Variants in KCNQ5 observed in about 807,000 individuals in gnomAD.
KCNQ5 encodes the protein potassium voltage-gated channel subfamily KQT member 5.
In KCNQ5, 30 loss-of-function variants were observed where a neutral mutation model predicts 98.2. That is an observed-to-expected ratio of 0.31 (90% CI 0.23 to 0.41). The LOEUF is 0.41. Ranked by LOEUF, KCNQ5 falls within the 10% of genes least tolerant of loss-of-function variation. The pLI is 1.00. For synonymous variants in KCNQ5, 458 were observed against 449.4 expected (o/e 1.02, Z -0.24); for missense variants, 835 against 1,182.5 (o/e 0.71, Z 4.31).
Position 72,806,432 on chromosome 6 carries a change from A to G in KCNQ5, c.398+183845A>G, listed in dbSNP as rs1582326684. On this transcript the variant is annotated intron_variant, in intron 1 of 13. Coordinates refer to ENST00000370398, the MANE Select transcript of KCNQ5 (RefSeq NM_019842.4). ...AACCCAGTACTGAAGTTATAGGCCAAATCAAAAGATGGGAAATCTAGAAGA... is the reference window on the plus strand; with the variant it reads ...AACCCAGTACTGAAGTTATAGGCCAGATCAAAAGATGGGAAATCTAGAAGA... 3.3e-5 allele frequency among the ~76,000 whole-genome samples: 5 copies of G among 152,240 alleles called. No individual in the cohort carries two copies. The South Asian group carries it at 1.0e-3, about 32-fold the overall frequency.
rs540717376 is a variant in KCNQ5 at position 72,882,324 on chromosome 6, T to C, written c.399-121584T>C. ...GTCCTGCTGTACAAAGAGAGCATCA[T>C]GTTAAAAGTAGATGTGGGTGGTTCT... On this transcript the variant is annotated intron_variant, in intron 1 of 13. Coordinates refer to ENST00000370398, the MANE Select transcript of KCNQ5 (RefSeq NM_019842.4). Among the ~76,000 whole-genome samples, 16 of 152,322 alleles carry C rather than the reference T, an allele frequency of 1.1e-4. 1 individual carries two copies. The highest frequency in any genetic ancestry group is 3.8e-4 in the African/African-American group (16 of 41,580).
intron 1 of KCNQ5, among the ~76,000 whole-genome samples, chr6:72,926,423 T>A (rs192554379): frequency 3.2e-4 from 48 of 152,278 alleles, no homozygotes; most frequent in African/African-American, 1.1e-3. Flanking sequence ...TTTATTATAA[T>A]TTCTAGAAGT....
intron 3 of KCNQ5, among the ~76,000 whole-genome samples, chr6:73,072,348 T>C (rs1378758284): frequency 6.6e-6 from 1 of 152,212 alleles, no homozygotes. Context: ...GTTCTTTTCA[T>C]TGTGATTTTA....
At chr6:73,015,580 C>G (rs1366571820) in intron 2 of KCNQ5, among the ~76,000 whole-genome samples, 1 of 152,084 alleles carries the variant, frequency 6.6e-6, no homozygotes, top group Non-Finnish European at 1.5e-5. Context: ...TGCTACCAAA[C>G]TCTGTACAAC....
At chr6:72,727,314 A>G (rs1770335368) in intron 1 of KCNQ5, among the ~76,000 whole-genome samples, 1 of 152,238 alleles carries the variant, frequency 6.6e-6, no homozygotes, top group Admixed American at 6.5e-5. Context: ...GAAGTTAAAA[A>G]TGCAGAAAAT....
intron 1 of KCNQ5, among the ~76,000 whole-genome samples, chr6:72,666,216 GATAA>G (rs1353629888): frequency 9.3e-6 from 1 of 107,836 alleles, no homozygotes; most frequent in Non-Finnish European, 2.6e-5. Context: ...GGTAAATAAT[GATAA>G]ATAAAGAGAG....
intron 9 of KCNQ5, among the ~76,000 whole-genome samples, chr6:73,129,271 C>T (rs967567084): frequency 1.3e-5 from 2 of 152,156 alleles, no homozygotes; most frequent in Admixed American, 6.5e-5. Context: ...ACTTTTCTTT[C>T]GTTTCTTACA....
At chr6:72,958,503 C>T (rs970499623) in intron 1 of KCNQ5, among the ~76,000 whole-genome samples, 5 of 152,208 alleles carry the variant, frequency 3.3e-5, no homozygotes, top group African/African-American at 7.2e-5. Flanking sequence ...AACATGTGCT[C>T]ACTTTCTAGG....
At chr6:73,030,478 C>T (rs974478491) in intron 2 of KCNQ5, among the ~76,000 whole-genome samples, 24 of 152,162 alleles carry the variant, frequency 1.6e-4, no homozygotes, top group African/African-American at 5.8e-4. Context: ...GGATATTACT[C>T]ATATTGCCAC....
chr6:72,814,944 T>A (rs1351978627), intron 1 of KCNQ5, among the ~76,000 whole-genome samples: 1 of 152,230 alleles, frequency 6.6e-6, no homozygotes, highest in East Asian at 1.9e-4. Context: ...TAATTTTATA[T>A]GAATTTGTGC....
chr6:72,962,985 G>A (rs1767445671), intron 1 of KCNQ5, among the ~76,000 whole-genome samples: 1 of 151,630 alleles, frequency 6.6e-6, no homozygotes, highest in Admixed American at 6.6e-5. Context: ...CTTCTCAGAG[G>A]AAAAAAATGG....
chr6:73,078,858 A>C (rs71573581), intron 5 of KCNQ5, among the ~76,000 whole-genome samples: 1 of 152,206 alleles, frequency 6.6e-6, no homozygotes, highest in African/African-American at 2.4e-5. Context: ...TGAAGCAAAA[A>C]TTTTCCCTGC....
At chr6:72,905,803 G>C (rs953807351) in intron 1 of KCNQ5, among the ~76,000 whole-genome samples, 1 of 151,348 alleles carries the variant, frequency 6.6e-6, no homozygotes, top group Non-Finnish European at 1.5e-5. Context: ...AGAGGTGTCA[G>C]GGGGGTGAAA....
chr6:73,035,449 A>G (rs1003826237), intron 2 of KCNQ5, among the ~76,000 whole-genome samples: 2 of 152,232 alleles, frequency 1.3e-5, no homozygotes, highest in African/African-American at 4.8e-5. Context: ...CTGCCATTTC[A>G]GTAAATAGCG....
intron 1 of KCNQ5, among the ~76,000 whole-genome samples, chr6:72,899,228 G>T (rs1779379667): frequency 6.6e-6 from 1 of 152,112 alleles, no homozygotes; most frequent in Admixed American, 6.6e-5. Flanking sequence ...TTAACAAAAA[G>T]ATTTTCTCCT....
intron 1 of KCNQ5, among the ~76,000 whole-genome samples, chr6:72,973,752 G>C (rs776223323): frequency 1.3e-5 from 2 of 152,170 alleles, no homozygotes; most frequent in African/African-American, 2.4e-5. Context: ...AAAGGGAATA[G>C]TAAAGAACAG....
At chr6:73,088,680 T>C (rs1443525234) in intron 5 of KCNQ5, among the ~76,000 whole-genome samples, 3 of 152,216 alleles carry the variant, frequency 2.0e-5, no homozygotes. Context: ...TAGACATTTC[T>C]GCATTAGTCA....
intron 1 of KCNQ5, among the ~76,000 whole-genome samples, chr6:72,658,202 A>G (rs1366439711): frequency 6.6e-6 from 1 of 152,206 alleles, no homozygotes; most frequent in Non-Finnish European, 1.5e-5. Context: ...TTGTTCTACA[A>G]ATTAGATATT....
chr6:72,834,227 GA>G (rs929978902), intron 1 of KCNQ5, among the ~76,000 whole-genome samples: 1 of 151,194 alleles, frequency 6.6e-6, no homozygotes, highest in African/African-American at 2.4e-5. Flanking sequence ...ACTTAAAAAA[GA>G]AAAAAAAGAC....
Sources: gnomAD v4.1 joint callset for allele counts (sites outside exome capture counted in the v4.1 genomes callset) on GRCh38, gnomAD v4.1.1 for gene constraint, MANE v1.5 for transcripts, NCBI Gene and HGNC (gene_info 2026-07-23, HGNC 2026-07-21) for gene names.